Variants in CDK14 observed in about 807,000 individuals in gnomAD.
CDK14 encodes cyclin dependent kinase 14, also known as cyclin-dependent kinase 14.
In CDK14, 34 loss-of-function variants were observed where a neutral mutation model predicts 60.7. The ratio of observed to expected loss-of-function variants is 0.56; its 90% CI spans 0.43 to 0.75. CDK14 has a LOEUF of 0.75. CDK14 is among the 30% of genes least tolerant of loss of function. The probability of loss-of-function intolerance (pLI) is 0.00; values close to 1 mark genes in which losing one functional copy is unlikely to be tolerated. For missense variants in CDK14, 482 were observed against 564.1 expected (o/e 0.85, Z 1.47); for synonymous variants, 197 against 203.7 (o/e 0.97, Z 0.28).
chr7:90,836,870 G>T (rs970576312), intron 5 of CDK14, among the ~76,000 whole-genome samples: 1 of 152,112 alleles, frequency 6.6e-6, no homozygotes, highest in African/African-American at 2.4e-5. Flanking sequence ...TGTGACCATC[G>T]TCATATGTAC....
intron 5 of CDK14, among the ~76,000 whole-genome samples, chr7:90,806,939 C>T (rs2117024208): frequency 6.6e-6 from 1 of 152,326 alleles, no homozygotes; most frequent in East Asian, 1.9e-4. Flanking sequence ...CGCCATTGCC[C>T]AGGCTTGAGT....
At chr7:90,733,872 G>C (rs1802975371) in intron 3 of CDK14, among the ~76,000 whole-genome samples, 2 of 152,122 alleles carry the variant, frequency 1.3e-5, no homozygotes, top group Non-Finnish European at 2.9e-5. Context: ...TGGTTATTTT[G>C]CCCATTAGTT....
chr7:90,984,102 G>A (rs1282678654), intron 9 of CDK14, 46 bp from the exon 10 acceptor site: 2 of 1,217,998 alleles, frequency 1.6e-6, no homozygotes, highest in Non-Finnish European at 1.2e-6. Flanking sequence ...GTTTTCCTAA[G>A]CAGAATATAT....
chr7:90,844,192 G>T (rs1790388325), intron 5 of CDK14, among the ~76,000 whole-genome samples: 1 of 152,206 alleles, frequency 6.6e-6, no homozygotes, highest in Non-Finnish European at 1.5e-5. Context: ...TAATACTGGA[G>T]CCTGGAGGGA....
intron 2 of CDK14, chr7:90,710,652 G>C (rs1802027334): frequency 1.6e-6 from 1 of 615,896 alleles, no homozygotes; most frequent in Non-Finnish European, 2.0e-6. Context: ...TCTGCGTGAA[G>C]TGCCAGCTCT....
chr7:90,736,458 C>G (rs180902389), intron 3 of CDK14, among the ~76,000 whole-genome samples: 1 of 143,548 alleles, frequency 7.0e-6, no homozygotes, highest in East Asian at 2.1e-4. Context: ...CATTTTACAT[C>G]CCCTGCAGCA....
chr7:90,833,861 A>G (rs1325242855), intron 5 of CDK14, among the ~76,000 whole-genome samples: 2 of 152,242 alleles, frequency 1.3e-5, no homozygotes, highest in East Asian at 3.8e-4. Flanking sequence ...GTGAAAATGA[A>G]CAAACCCCTC....
chr7:90,614,255 T>G (rs879633617), intron 2 of CDK14, among the ~76,000 whole-genome samples: 2 of 152,196 alleles, frequency 1.3e-5, no homozygotes, highest in African/African-American at 2.4e-5. Flanking sequence ...TCCACCCGCC[T>G]TGGCCTCCCA....
At chr7:90,630,667 A>G (rs899458168) in intron 2 of CDK14, among the ~76,000 whole-genome samples, 3 of 152,212 alleles carry the variant, frequency 2.0e-5, no homozygotes, top group African/African-American at 4.8e-5. Context: ...GCACTAATAC[A>G]CGTTTGTAGG....
intron 10 of CDK14, among the ~76,000 whole-genome samples, chr7:90,987,014 T>C (rs1030697623): frequency 2.4e-5 from 2 of 83,328 alleles, no homozygotes; most frequent in Non-Finnish European, 5.2e-5. Context: ...GAAATTGTTA[T>C]ATAACTGAGA....
chr7:90,811,021 C>T (rs1336491642), intron 5 of CDK14, among the ~76,000 whole-genome samples: 2 of 152,156 alleles, frequency 1.3e-5, no homozygotes, highest in Non-Finnish European at 2.9e-5. Flanking sequence ...GAATCAATAT[C>T]GTGAGAATGG....
intron 4 of CDK14, among the ~76,000 whole-genome samples, chr7:90,760,869 G>A (rs1183836188): frequency 1.3e-5 from 2 of 152,166 alleles, no homozygotes; most frequent in Non-Finnish European, 2.9e-5. Context: ...TTGAAAAGTA[G>A]GGTTCCTATC....
intron 2 of CDK14, among the ~76,000 whole-genome samples, chr7:90,711,666 A>G (rs944647790): frequency 2.6e-5 from 4 of 152,068 alleles, no homozygotes; most frequent in African/African-American, 9.7e-5. Context: ...TATGGATGAA[A>G]CAGTACATTT....
chr7:90,640,914 C>T (rs1258154545), intron 2 of CDK14, among the ~76,000 whole-genome samples: 1 of 151,968 alleles, frequency 6.6e-6, no homozygotes, highest in Non-Finnish European at 1.5e-5. Context: ...AAAGACAACC[C>T]AATTAAAATT....
At chr7:90,621,676 C>T (rs1316489108) in intron 2 of CDK14, among the ~76,000 whole-genome samples, 6 of 151,586 alleles carry the variant, frequency 4.0e-5, no homozygotes, top group African/African-American at 1.5e-4. Flanking sequence ...TTCCTGCCTT[C>T]CTGCCTTCCT....
chr7:91,007,084 G>T lies in CDK14; in HGVS notation c.1041+22843G>T, dbSNP rs78557108. Among the ~76,000 whole-genome samples, 4 of 152,222 alleles carry T rather than the reference G, an allele frequency of 2.6e-5. No homozygotes were observed. The South Asian group carries it at 6.2e-4, about 24-fold the overall frequency. On this transcript the variant is annotated intron_variant, in intron 10 of 14. Transcript: ENST00000380050. The stretch of plus-strand genomic sequence containing the variant: ...AGAGGAGGATTGCTGGGTGCACTTT[G>T]AACATTTTTATAAATTTTGACAAAT...
At chr7:90,878,793 AAGAG>A in intron 6 of CDK14, among the ~76,000 whole-genome samples, 1 of 152,340 alleles carries the variant, frequency 6.6e-6, no homozygotes, top group East Asian at 1.9e-4. Flanking sequence ...ATTTTAAAAA[AAGAG>A]AGAAGTAATT....
chr7:91,019,559 C>A (rs1168021138), intron 10 of CDK14, among the ~76,000 whole-genome samples: 25 of 152,158 alleles, frequency 1.6e-4, no homozygotes. Flanking sequence ...TATTGAACTT[C>A]TGGCTCCAAT....
At chr7:90,912,502 T>TA (rs1792940525) in intron 7 of CDK14, among the ~76,000 whole-genome samples, 1 of 152,232 alleles carries the variant, frequency 6.6e-6, no homozygotes, top group African/African-American at 2.4e-5. Flanking sequence ...CTATGTTTCT[T>TA]ACATCTTTAG....
Sources: gnomAD v4.1 joint callset for allele counts (sites outside exome capture counted in the v4.1 genomes callset) on GRCh38, gnomAD v4.1.1 for gene constraint, MANE v1.5 for transcripts, NCBI Gene and HGNC (gene_info 2026-07-23, HGNC 2026-07-21) for gene names.